KLHL8: variants seen among roughly 807,000 people sequenced by gnomAD.
The protein encoded by KLHL8 is kelch-like protein 8.
KLHL8 carries 38 observed loss-of-function variants against 63.5 expected under a neutral mutation model. The ratio of observed to expected loss-of-function variants is 0.60; its 90% CI spans 0.46 to 0.78. The LOEUF (loss-of-function observed/expected upper bound fraction) is 0.78. Among genes scored for constraint, KLHL8 ranks in the 30% least tolerant of loss-of-function variants. The pLI is 0.00. For missense variants in KLHL8, 566 were observed against 752.4 expected (o/e 0.75, Z 2.90); for synonymous variants, 224 against 254.3 (o/e 0.88, Z 1.13).
chr4:87,226,917 AATATATATAT>A (rs1733026195), intron 1 of KLHL8, among the ~76,000 whole-genome samples: 4 of 19,366 alleles, frequency 2.1e-4, no homozygotes, highest in Non-Finnish European at 2.7e-4. Context: ...ATATATAAAT[AATATATATAT>A]TATATATAAA....
rs1338503902 is a variant in KLHL8 at position 87,185,281 on chromosome 4, A to G, written c.735T>C (p.His245=). 3.7e-6 allele frequency: 6 copies of G among 1,613,666 alleles called. No individual in the cohort carries two copies. In the South Asian group the frequency reaches 4.4e-5, roughly 12 times the overall value. ...CAAGTGTTTCATCCAACCATTTGGA[A>G]TGATGCTGAGGATTGGCAAGAAGCC... ...IKWLLANPQH[H]SKWLDETLAQ... is the part of the protein sequence containing the mutation. Residue 245 remains histidine (H), a synonymous_variant, in exon 3 of 10, where the codon CAT becomes CAC. Transcript: ENST00000273963.
In KLHL8 at chr4:87,185,425, A is replaced by G; in HGVS notation, c.591T>C (p.Thr197=). ...CAAAGTCTTCACACTCCACTACTTC[A>G]GTAAAATGGTCACAGGCATACTGAT... is the stretch of plus-strand genomic sequence containing the variant. The part of the protein sequence containing the change: ...MADQYACDHF[T]EVVECEDFVS... The change falls in exon 3 of 10, where the codon ACT becomes ACC. Residue 197 remains threonine (T), a synonymous_variant. Transcript: ENST00000273963. 1 of 1,614,194 alleles carries G rather than the reference A, an allele frequency of 6.2e-7. No individual in the cohort carries two copies. The highest frequency in any genetic ancestry group is 8.5e-7 in the Non-Finnish European group (1 of 1,180,020).
rs1323860402 is a variant in KLHL8 at position 87,161,534 on chromosome 4, C to A, written c.*1985G>T. ...TATAACTCCTTACATATAAGAAAGA[C>A]AGAAATACATCAAAGAAAAAACATT... is the stretch of plus-strand genomic sequence containing the variant. On this transcript the variant is annotated 3_prime_UTR_variant, in exon 10 of 10. Transcript: ENST00000273963. 1 of 152,028 alleles carries A rather than the reference C, an allele frequency of 6.6e-6. No individual in the cohort carries two copies. Among genetic ancestry groups the A allele is most frequent in the Non-Finnish European group, 1.5e-5 (1 of 67,998 alleles). The allele number at this position is 152,028 out of a possible 1,614,324, so 9.4% of individuals were successfully genotyped here.
chr4:87,202,659 A>G (rs560241719), intron 1 of KLHL8, among the ~76,000 whole-genome samples: 48 of 152,326 alleles, frequency 3.2e-4, no homozygotes, highest in Non-Finnish European at 5.7e-4. Context: ...GAGCATTGCT[A>G]TAACTATTAA....
At chr4:87,200,828 T>C (rs1396616301) in intron 1 of KLHL8, among the ~76,000 whole-genome samples, 2 of 152,148 alleles carry the variant, frequency 1.3e-5, no homozygotes, top group Non-Finnish European at 1.5e-5. Context: ...AGTAAAGACA[T>C]ATTTGCACAC....
chr4:87,186,174 G>T (rs1731246737), intron 2 of KLHL8, among the ~76,000 whole-genome samples: 1 of 151,954 alleles, frequency 6.6e-6, no homozygotes, highest in African/African-American at 2.4e-5. Context: ...AAGTAGTTGG[G>T]ATTACAGGCG....
At chr4:87,167,437 C>A (rs1320122295) in intron 8 of KLHL8, 1 of 486,722 alleles carries the variant, frequency 2.1e-6, no homozygotes, top group Non-Finnish European at 4.1e-6. Flanking sequence ...CTACTCCAGG[C>A]TGTCCTCACT....
rs1732189089 is a variant in KLHL8, at chr4:87,207,657, C to T, written c.-151-11967G>A. On this transcript the variant is annotated intron_variant, in intron 1 of 9. Transcript: ENST00000273963. The stretch of plus-strand genomic sequence containing the variant: ...CCACCCAGAAGACTGTGGATGGCCC[C>T]TCTGGGAAACTGTGGCGTGACAGCT... 3.4e-6 allele frequency: 4 copies of T among 1,166,874 alleles called. No individual in the cohort carries two copies. In the Admixed American group the frequency reaches 6.9e-5, roughly 20 times the overall value. The allele number at this position is 1,166,874 out of a possible 1,614,324, so 72.3% of individuals were successfully genotyped here.
Position 87,178,660 on chromosome 4 carries a change from C to A in KLHL8, c.953-40G>T. 2.7e-6 allele frequency: 4 copies of A among 1,460,978 alleles called. No individual in the cohort carries two copies. In the South Asian group the frequency reaches 4.6e-5, roughly 17 times the overall value. The allele number at this position is 1,460,978 out of a possible 1,614,324, so 90.5% of individuals were successfully genotyped here. A position where few individuals can be genotyped will look rare whatever the true frequency, so the allele number is the denominator to read the frequency against. ...ACAAAATAGAGATAAATCATAGCTG[C>A]CAAGTTGAAAAAAATTAGAAAGCCA... is the stretch of plus-strand genomic sequence containing the variant. On this transcript the variant is annotated intron_variant, in intron 4 of 9. Transcript: ENST00000273963.
chr4:87,213,970 G>A (rs1475315471), intron 1 of KLHL8, among the ~76,000 whole-genome samples: 1 of 152,144 alleles, frequency 6.6e-6, no homozygotes, highest in Non-Finnish European at 1.5e-5. Flanking sequence ...TAAGGTTGTT[G>A]TGATGGGTAA....
chr4:87,190,413 G>A (rs1375801025), intron 2 of KLHL8, among the ~76,000 whole-genome samples: 1 of 152,186 alleles, frequency 6.6e-6, no homozygotes, highest in Non-Finnish European at 1.5e-5. Context: ...GGGAGGCCAA[G>A]GTAGGCGGAT....
At chr4:87,206,551 T>C (rs542159679) in intron 1 of KLHL8, among the ~76,000 whole-genome samples, 13 of 152,328 alleles carry the variant, frequency 8.5e-5, no homozygotes, top group African/African-American at 2.9e-4. Flanking sequence ...ACCTTATGGA[T>C]GGTTCTAACA....
chr4:87,213,409 T>C (rs909392459), intron 1 of KLHL8, among the ~76,000 whole-genome samples: 2 of 152,192 alleles, frequency 1.3e-5, no homozygotes, highest in African/African-American at 2.4e-5. Context: ...CACTGGATGT[T>C]TGAAACCAAA....
intron 1 of KLHL8, among the ~76,000 whole-genome samples, chr4:87,204,271 T>C (rs1006313417): frequency 4.6e-5 from 7 of 152,100 alleles, no homozygotes; most frequent in Admixed American, 1.3e-4. Flanking sequence ...ACTACACATC[T>C]ATTAGAATGG....
rs370459466 is a variant in KLHL8 at position 87,213,821 on chromosome 4, A to T, written c.-152+6597T>A. ...GAAGCTGTTGCCTTGCTTTTGAGAG[A>T]TATCTGTCAGCCATACGCGACACAA... On this transcript the variant is annotated intron_variant, in intron 1 of 9. Transcript: ENST00000273963. Among the ~76,000 whole-genome samples, 10 of 152,282 alleles carry T rather than the reference A, an allele frequency of 6.6e-5. No homozygotes were observed. In the East Asian group the frequency reaches 1.7e-3, roughly 26 times the overall value.
intron 1 of KLHL8, chr4:87,208,074 C>A: frequency 1.7e-6 from 1 of 577,554 alleles, no homozygotes; most frequent in Non-Finnish European, 3.3e-6. Flanking sequence ...TCATGGCCCA[C>A]ATGGCCTCCA....
At chr4:87,193,289 C>T (rs1054304374) in intron 2 of KLHL8, among the ~76,000 whole-genome samples, 1 of 151,926 alleles carries the variant, frequency 6.6e-6, no homozygotes, top group Admixed American at 6.6e-5. Flanking sequence ...TTGTTAAAAA[C>T]TAAGACACAA....
At chr4:87,214,423 T>G (rs1308049710) in intron 1 of KLHL8, among the ~76,000 whole-genome samples, 2 of 29,878 alleles carry the variant, frequency 6.7e-5, no homozygotes, top group East Asian at 7.8e-3. Context: ...CAGATATATA[T>G]ATATATATAT....
intron 1 of KLHL8, among the ~76,000 whole-genome samples, chr4:87,234,045 G>A (rs1468745008): frequency 6.6e-6 from 1 of 152,144 alleles, no homozygotes. Flanking sequence ...TGAGTTCTGG[G>A]TCCATACTGT....
Sources: gnomAD v4.1 joint callset for allele counts (sites outside exome capture counted in the v4.1 genomes callset) on GRCh38, gnomAD v4.1.1 for gene constraint, MANE v1.5 for transcripts, NCBI Gene and HGNC (gene_info 2026-07-23, HGNC 2026-07-21) for gene names.